The following TMEM223 variants were observed in gnomAD, a reference collection of about 807,000 sequenced individuals.
The protein encoded by TMEM223 is transmembrane protein 223.
In TMEM223, 14 loss-of-function variants were observed where a neutral mutation model predicts 14.1. The observed-to-expected ratio is 0.99, with a 90% confidence interval of 0.66 to 1.55. The LOEUF is 1.55. Ranked by LOEUF, TMEM223 falls within the 40% of genes most tolerant of loss-of-function variation. TMEM223 has a pLI of 0.00. For missense variants in TMEM223, 346 were observed against 269.9 expected (o/e 1.28, Z -1.97); for synonymous variants, 145 against 120.5 (o/e 1.20, Z -1.33).
downstream of TMEM223, chr11:62,789,258 ACCT>A (rs1390769200): frequency 5.0e-6 from 8 of 1,613,674 alleles, no homozygotes; most frequent in Non-Finnish European, 6.8e-6. Context: ...GATGAGCCTC[ACCT>A]CCACCACAAG....
intron 2 of TMEM223, chr11:62,774,548 T>C (rs1330321749): frequency 6.6e-6 from 3 of 454,150 alleles, no homozygotes; most frequent in African/African-American, 2.0e-5. Flanking sequence ...GATCTGGGCC[T>C]TCCTGTCTGA....
intron 2 of TMEM223, chr11:62,772,226 A>C (rs1445205288): frequency 1.3e-5 from 6 of 445,742 alleles, no homozygotes; most frequent in Admixed American, 1.2e-4. Flanking sequence ...CAGGCATAGT[A>C]CAGTGCTATT....
intron 2 of TMEM223, chr11:62,774,547 C>G: frequency 2.2e-6 from 1 of 454,208 alleles, no homozygotes; most frequent in South Asian, 1.6e-5. Flanking sequence ...GGATCTGGGC[C>G]TTCCTGTCTG....
chr11:62,782,663 C>A, downstream of TMEM223: 1 of 1,606,902 alleles, frequency 6.2e-7, no homozygotes. Flanking sequence ...ATGCCTCATT[C>A]CCCTCCCTAA....
At position 62,779,971 on chromosome 11, in the gene TMEM223, TA is replaced by T. The variant is rs1565188250; in HGVS notation, c.315-5307del. Among the ~76,000 whole-genome samples, 629 of 70,852 alleles carry T rather than the reference TA, an allele frequency of 8.9e-3. 6 individuals are homozygous for T. The highest frequency in any genetic ancestry group is 0.024 in the African/African-American group (600 of 25,386). The allele number at this position is 70,852 out of a possible 152,430, so 46.5% of individuals were successfully genotyped here. On this transcript the variant is annotated intron_variant, in intron 1 of 2. Coordinates refer to the TMEM223 transcript ENST00000528367. ...GTGAGCCTATATATATATATATATA[TA>T]TATATTTTTTTTTTTTTTTTTTTTA... is the stretch of plus-strand genomic sequence containing the variant.
downstream of TMEM223, chr11:62,789,278 T>G (rs770372869): frequency 1.2e-6 from 2 of 1,613,910 alleles, no homozygotes; most frequent in Non-Finnish European, 1.7e-6. Context: ...CAAGGCTTGT[T>G]CTCTCCCTTT....
intron 1 of TMEM223, chr11:62,775,830 C>A (rs1160663048): frequency 6.2e-7 from 1 of 1,613,196 alleles, no homozygotes; most frequent in South Asian, 1.1e-5. Flanking sequence ...CCTCGGGAGT[C>A]TGTCCGGCTC....
At chr11:62,789,519 T>C, downstream of TMEM223, 1 of 1,590,598 alleles carries the variant, frequency 6.3e-7, no homozygotes, top group Non-Finnish European at 8.6e-7. Flanking sequence ...TCAGTTGCTC[T>C]CAACTCACAG....
chr11:62,790,116 G>A lies in TMEM223; in HGVS notation c.*507C>T, dbSNP rs1335689519. 1 of 1,471,320 alleles carries A rather than the reference G, an allele frequency of 6.8e-7. No homozygotes were observed. Among genetic ancestry groups the A allele is most frequent in the East Asian group, 2.4e-5 (1 of 41,584 alleles). 91.1% of individuals were successfully genotyped at this position (1,471,320 alleles called of 1,614,324 possible). On this transcript the variant is annotated 3_prime_UTR_variant, in exon 2 of 2. Transcript: ENST00000307366. ...AGTGCCTGTAATCCCCCCCCTCAAG[G>A]CCCTGTTTATGTTGGGAGTCTTAGT... is the stretch of plus-strand genomic sequence containing the variant.
intron 1 of TMEM223, chr11:62,775,837 G>A (rs2084183544): frequency 6.2e-7 from 1 of 1,612,930 alleles, no homozygotes; most frequent in Non-Finnish European, 8.5e-7. Flanking sequence ...AGTCTGTCCG[G>A]CTCATGGCGG....
chr11:62,773,739 G>C (rs1246217010), intron 2 of TMEM223, among the ~76,000 whole-genome samples: 2 of 151,950 alleles, frequency 1.3e-5, no homozygotes, highest in East Asian at 3.9e-4. Flanking sequence ...TGAGCCACTG[G>C]GTCCAGCTAC....
At chr11:62,778,966 G>T in intron 1 of TMEM223, 1 of 1,613,012 alleles carries the variant, frequency 6.2e-7, no homozygotes, top group South Asian at 1.1e-5. Flanking sequence ...TGATGAAGGT[G>T]AGCGAGTGGG....
At chr11:62,786,011 C>G, downstream of TMEM223, 1 of 383,772 alleles carries the variant, frequency 2.6e-6, no homozygotes, top group Non-Finnish European at 4.8e-6. Context: ...CATTATTTAG[C>G]ACACAGGGCA....
intron 2 of TMEM223, chr11:62,772,224 G>C: frequency 2.2e-6 from 1 of 445,866 alleles, no homozygotes; most frequent in Non-Finnish European, 4.5e-6. Flanking sequence ...CTCAGGCATA[G>C]TACAGTGCTA....
chr11:62,778,622 G>T, intron 1 of TMEM223: 1 of 612,024 alleles, frequency 1.6e-6, no homozygotes, highest in South Asian at 2.0e-5. Context: ...GAGCTTCACA[G>T]AGCCTGAAGC....
At chr11:62,778,968 G>T (rs1385505316) in intron 1 of TMEM223, 1 of 1,613,474 alleles carries the variant, frequency 6.2e-7, no homozygotes, top group Non-Finnish European at 8.5e-7. Flanking sequence ...ATGAAGGTGA[G>T]CGAGTGGGCC....
chr11:62,771,863 A>C, exon 3 of TMEM223: 1 of 307,432 alleles, frequency 3.3e-6, no homozygotes, highest in Non-Finnish European at 6.5e-6. Context: ...GGTGGACTAA[A>C]TGCTCCCATT....
rs923751420 is a variant in TMEM223, at chr11:62,789,975, T to A, written c.*648A>T. 3 of 1,614,164 alleles carry A rather than the reference T, an allele frequency of 1.9e-6. No individual in the cohort carries two copies. The highest frequency in any genetic ancestry group is 1.6e-4 in the Middle Eastern group (1 of 6,062). ...AGTCTGAAGCCACCCCATACCGGCC[T>A]CTGGAGAGGGGTGACCCTGAGTGGA... On this transcript the variant is annotated 3_prime_UTR_variant, in exon 2 of 2. Transcript: ENST00000307366.
chr11:62,782,688 C>A (rs1262975332), downstream of TMEM223: 1 of 1,611,570 alleles, frequency 6.2e-7, no homozygotes, highest in African/African-American at 1.3e-5. Context: ...ATGGTGCTCC[C>A]ACAGGACTCA....
Sources: allele counts gnomAD v4.1 joint callset (sites outside exome capture counted in the v4.1 genomes callset), GRCh38; gene constraint gnomAD v4.1.1; transcripts MANE v1.5; gene names NCBI Gene and HGNC (gene_info 2026-07-23, HGNC 2026-07-21).